Variants in ADAMTS9 observed in about 807,000 individuals in gnomAD.
The protein encoded by ADAMTS9 is ADAM metallopeptidase with thrombospondin type 1 motif 9, also known as A disintegrin and metalloproteinase with thrombospondin motifs 9.
In ADAMTS9, 107 loss-of-function variants were observed where a neutral mutation model predicts 257.1. The observed-to-expected ratio is 0.42, with a 90% confidence interval of 0.36 to 0.49. The LOEUF is 0.49. Among genes scored for constraint, ADAMTS9 ranks in the 20% least tolerant of loss-of-function variants. ADAMTS9 has a pLI of 0.03. For synonymous variants in ADAMTS9, 982 were observed against 880.9 expected (o/e 1.11, Z -2.03); for missense variants, 2,353 against 2,469.1 (o/e 0.95, Z 1.00).
intron 38 of ADAMTS9, among the ~76,000 whole-genome samples, chr3:64,528,390 T>G (rs2082935961): frequency 6.6e-6 from 1 of 152,184 alleles, no homozygotes; most frequent in South Asian, 2.1e-4. Flanking sequence ...TCTGACATTT[T>G]CTTTCAGCCT....
chr3:64,520,142 C>T (rs971227705), intron 39 of ADAMTS9, among the ~76,000 whole-genome samples: 34 of 152,032 alleles, frequency 2.2e-4, no homozygotes, highest in Non-Finnish European at 4.6e-4. Flanking sequence ...CATTTCTATA[C>T]ACAAATAACA....
At chr3:64,624,270 G>T (rs528868091) in intron 16 of ADAMTS9, among the ~76,000 whole-genome samples, 2 of 149,982 alleles carry the variant, frequency 1.3e-5, no homozygotes, top group Non-Finnish European at 3.0e-5. Context: ...AAGGAAAAGA[G>T]AGACAAAGAA....
chr3:64,556,744 T>TCCTTCCTTCCTTCCTC (rs1264985398), intron 30 of ADAMTS9, among the ~76,000 whole-genome samples: 2 of 150,512 alleles, frequency 1.3e-5, no homozygotes. Flanking sequence ...CTTCCTTCCT[T>TCCTTCCTTCCTTCCTC]CCTTCCTTCC....
intron 19 of ADAMTS9, among the ~76,000 whole-genome samples, chr3:64,618,134 G>A (rs552556482): frequency 1.3e-3 from 196 of 152,270 alleles, no homozygotes; most frequent in Non-Finnish European, 2.1e-3. Context: ...TTAATTTTAG[G>A]AATGAGCATG....
chr3:64,628,323 C>T (rs1700277687), intron 16 of ADAMTS9, among the ~76,000 whole-genome samples: 1 of 152,184 alleles, frequency 6.6e-6, no homozygotes, highest in African/African-American at 2.4e-5. Context: ...ATTGAGGCCA[C>T]TACTTGGAGG....
chr3:64,560,944 A>G (rs1035836145), intron 30 of ADAMTS9, among the ~76,000 whole-genome samples: 11 of 152,164 alleles, frequency 7.2e-5, no homozygotes, highest in Admixed American at 5.2e-4. Flanking sequence ...CTCCCTGGCC[A>G]AACTTTTCCC....
intron 23 of ADAMTS9, among the ~76,000 whole-genome samples, chr3:64,606,686 T>C (rs1385855495): frequency 2.0e-5 from 3 of 152,138 alleles, no homozygotes; most frequent in South Asian, 4.1e-4. Context: ...TTTAGAAATA[T>C]GAGTTTAAGA....
Position 64,644,550 on chromosome 3 carries a change from C to T in ADAMTS9, c.1711-2557G>A, listed in dbSNP as rs372343203. 5.3e-5 allele frequency among the ~76,000 whole-genome samples: 8 copies of T among 152,260 alleles called. No homozygotes were observed. The East Asian group carries it at 9.6e-4, about 18-fold the overall frequency. ...ACCTATATTTTCCAAAGTTTCCCTA[C>T]GGATAGAGGTGGTCAGAGAGATGTA... On this transcript the variant is annotated intron_variant, in intron 11 of 39. Coordinates refer to ENST00000498707, the MANE Select transcript of ADAMTS9 (RefSeq NM_182920.2).
chr3:64,582,207 T>C (rs774308520), intron 28 of ADAMTS9, among the ~76,000 whole-genome samples: 4 of 151,958 alleles, frequency 2.6e-5, no homozygotes, highest in Non-Finnish European at 5.9e-5. Flanking sequence ...AAAGAGGAGG[T>C]GCGAGGAGGT....
chr3:64,609,350 T>C (rs975707162), intron 22 of ADAMTS9, among the ~76,000 whole-genome samples: 1 of 152,092 alleles, frequency 6.6e-6, no homozygotes, highest in Non-Finnish European at 1.5e-5. Context: ...ACTAATTCTA[T>C]TTGCAGATGT....
At chr3:64,522,311 G>C in intron 38 of ADAMTS9, 51 bp from the exon 39 acceptor site, 1 of 1,531,090 alleles carries the variant, frequency 6.5e-7, no homozygotes, top group South Asian at 1.1e-5. Context: ...ATGCTTTCAG[G>C]GCCTGCACTG....
intron 22 of ADAMTS9, 121 bp downstream of exon 22, chr3:64,613,224 G>T (rs1559791887): frequency 2.6e-6 from 3 of 1,164,694 alleles, no homozygotes; most frequent in African/African-American, 1.5e-5. Flanking sequence ...GTGCCATGGA[G>T]GTGTCCTGCA....
chr3:64,664,603 G>C (rs1348906327), intron 3 of ADAMTS9, among the ~76,000 whole-genome samples: 1 of 152,158 alleles, frequency 6.6e-6, no homozygotes, highest in Non-Finnish European at 1.5e-5. Flanking sequence ...GCATGCATCA[G>C]TATTCCATTA....
At chr3:64,573,684 C>A (rs754227655) in intron 28 of ADAMTS9, among the ~76,000 whole-genome samples, 3 of 152,194 alleles carry the variant, frequency 2.0e-5, no homozygotes, top group Non-Finnish European at 4.4e-5. Context: ...AACATAAAAT[C>A]ACAGCTCATC....
chr3:64,687,743 T>C lies in ADAMTS9; in HGVS notation c.-86A>G. On this transcript the variant is annotated 5_prime_UTR_variant, in exon 1 of 40. Coordinates refer to ENST00000498707, the MANE Select transcript of ADAMTS9 (RefSeq NM_182920.2). The surrounding 1 kb of genome is among the most constrained non-coding windows in gnomAD (Gnocchi z 4.4). ...CGGCGGCGACGCGAGGCAGCGGCCG[T>C]GGAGAGCGCGCGGAGCCCGGCGCCC... 3 of 1,108,408 alleles carry C rather than the reference T, an allele frequency of 2.7e-6. No individual in the cohort carries two copies. The highest frequency in any genetic ancestry group is 3.7e-6 in the Non-Finnish European group (3 of 818,828). The allele number at this position is 1,108,408 out of a possible 1,614,324, so 68.7% of individuals were successfully genotyped here. A position where few individuals can be genotyped will look rare whatever the true frequency, so the allele number is the denominator to read the frequency against.
chr3:64,528,382 T>C (rs2082935840), intron 38 of ADAMTS9, among the ~76,000 whole-genome samples: 1 of 152,226 alleles, frequency 6.6e-6, no homozygotes, highest in African/African-American at 2.4e-5. Context: ...CTTGAAATTC[T>C]GACATTTTCT....
intron 28 of ADAMTS9, chr3:64,588,309 C>A (rs1218098436): frequency 1.3e-5 from 2 of 152,086 alleles, no homozygotes; most frequent in African/African-American, 2.4e-5. Flanking sequence ...ACTAAAATTT[C>A]TCTTGCTCCC....
At chr3:64,565,362 G>T (rs2083515607) in intron 29 of ADAMTS9, 1 of 152,226 alleles carries the variant, frequency 6.6e-6, no homozygotes, top group African/African-American at 2.4e-5. Flanking sequence ...TTCATTGAAT[G>T]TAAGACAACA....
chr3:64,633,829 G>A lies in ADAMTS9; in HGVS notation c.1907C>T (p.Ser636Phe). The change falls in exon 13 of 40, where the codon TCC (serine) becomes TTC (phenylalanine). Residue 636 changes from serine (S) to phenylalanine (F), a missense_variant. Coordinates refer to ENST00000498707, the MANE Select transcript of ADAMTS9 (RefSeq NM_182920.2). The stretch of plus-strand genomic sequence containing the variant: ...CTTGAGACATGGCTCCGTGTTGCAG[G>A]ACTTAAATTTCATTCTACGTCCTAC... The part of the protein sequence containing the change: ...YCVGRRMKFK[S>F]CNTEPCLKQK... 1 of 1,613,032 alleles carries A rather than the reference G, an allele frequency of 6.2e-7. No individual in the cohort carries two copies. The highest frequency in any genetic ancestry group is 8.5e-7 in the Non-Finnish European group (1 of 1,179,852).
Sources: allele counts gnomAD v4.1 joint callset (sites outside exome capture counted in the v4.1 genomes callset), GRCh38; gene constraint gnomAD v4.1.1; non-coding constraint Gnocchi (gnomAD v3.1); transcripts MANE v1.5; gene names NCBI Gene and HGNC (gene_info 2026-07-23, HGNC 2026-07-21).